The following KNG1 variants were observed in gnomAD, a reference collection of about 807,000 sequenced individuals.
KNG1 encodes the protein kininogen-1.
Under a neutral mutation model 47.8 loss-of-function variants are expected in KNG1, and 23 were observed. The ratio of observed to expected loss-of-function variants is 0.48; its 90% CI spans 0.35 to 0.68. The LOEUF is 0.68. KNG1 is among the 30% of genes least tolerant of loss of function. The pLI is 0.01. For missense variants in KNG1, 762 were observed against 790.2 expected, an observed-to-expected ratio of 0.96 and a Z score of 0.43; for synonymous variants, 277 against 277.0, an observed-to-expected ratio of 1.00 and a Z score of 0.00.
rs5030046 is a variant in KNG1 at position 186,732,400 on chromosome 3, T to G, written c.758-102T>G. The G allele has an allele frequency of 8.1e-4, 879 of 1,087,110 alleles. 7 individuals are homozygous for G. The African/African-American group carries it at 0.013, about 16-fold the overall frequency. The allele number at this position is 1,087,110 out of a possible 1,614,324, so 67.3% of individuals were successfully genotyped here. A position where few individuals can be genotyped will look rare whatever the true frequency, so the allele number is the denominator to read the frequency against. ...ACTCACTACTGGGCCTGGGCTCCCA[T>G]GTAGCCCCTTATACATGTGGATGCT... On this transcript the variant is annotated intron_variant, in intron 6 of 9. Transcript: ENST00000644859.
At position 186,744,165 on chromosome 3, in the gene KNG1, T is replaced by G. The variant is rs928024215; in HGVS notation, c.*1834T>G. Reference sequence around the variant, plus strand: ...GCTTCTACCAGTAATCTAAGGACTCTCTCCTTCTCTTCTTCCTCTTTCTCC... The same window carrying G: ...GCTTCTACCAGTAATCTAAGGACTCGCTCCTTCTCTTCTTCCTCTTTCTCC... On this transcript the variant is annotated 3_prime_UTR_variant, in exon 10 of 10. Coordinates refer to ENST00000644859, the MANE Select transcript of KNG1 (RefSeq NM_001102416.3). The G allele has an allele frequency of 4.1e-6, 1 of 243,460 alleles. No homozygotes were observed. The highest frequency in any genetic ancestry group is 8.2e-6 in the Non-Finnish European group (1 of 122,696). 15.1% of individuals were successfully genotyped at this position (243,460 alleles called of 1,614,324 possible). A position where few individuals can be genotyped will look rare whatever the true frequency, so the allele number is the denominator to read the frequency against.
chr3:186,726,193 C>A (rs1052131998), intron 4 of KNG1, among the ~76,000 whole-genome samples: 1 of 151,962 alleles, frequency 6.6e-6, no homozygotes, highest in Non-Finnish European at 1.5e-5. Context: ...CTCGGCCTCG[C>A]AAAGTGCTGG....
intron 5 of KNG1, among the ~76,000 whole-genome samples, chr3:186,727,911 T>A (rs9866324): frequency 3.9e-4 from 60 of 152,318 alleles, no homozygotes; most frequent in African/African-American, 1.4e-3. Context: ...GGACTACGAA[T>A]AGATAAAATG....
In KNG1 at chr3:186,739,314, G is replaced by C; in HGVS notation, c.1039-14G>C. 1.2e-6 allele frequency: 2 copies of C among 1,611,134 alleles called. No homozygotes were observed. The highest frequency in any genetic ancestry group is 1.7e-6 in the Non-Finnish European group (2 of 1,177,298). On this transcript the variant is annotated splice_polypyrimidine_tract_variant and intron_variant, in intron 8 of 9. Transcript: ENST00000644859. ...TAACACTGTCTCTCTTTCGACTTCT[G>C]TTTTCATGGATAGCAAAGCCTAGAT...
intron 1 of KNG1, among the ~76,000 whole-genome samples, chr3:186,719,658 G>A (rs1241715911): frequency 6.6e-6 from 1 of 151,630 alleles, no homozygotes; most frequent in Admixed American, 6.6e-5. Context: ...GAACCCGGGA[G>A]GCAGAGCTTG....
Position 186,743,687 on chromosome 3 carries a change from GT to G in KNG1, c.*1360del. ...TGAATGATAACATCATATTAACTGC[GT>G]TTTACTATACTTACAGAGTCACCTA... On this transcript the variant is annotated 3_prime_UTR_variant, in exon 10 of 10. Coordinates refer to ENST00000644859, the MANE Select transcript of KNG1 (RefSeq NM_001102416.3). 1.3e-6 allele frequency: 2 copies of G among 1,595,012 alleles called. No homozygotes were observed. The highest frequency in any genetic ancestry group is 1.7e-6 in the Non-Finnish European group (2 of 1,162,734).
chr3:186,722,513 T>G lies in KNG1; in HGVS notation c.383T>G (p.Ile128Ser), dbSNP rs770609186. The change falls in exon 3 of 10, where the codon ATT becomes AGT. Residue 128 changes from isoleucine (I) to serine (S), a missense_variant. Ile to Ser is a moderately radical substitution (Grantham distance 142). Transcript: ENST00000644859. Reference sequence around the variant, plus strand: ...TCCGTGGCTACCCAGACCTGCCAGATTACTCCAGGTGGCTGGTTTATCCTC... The same window carrying G: ...TCCGTGGCTACCCAGACCTGCCAGAGTACTCCAGGTGGCTGGTTTATCCTC... ...KFSVATQTCQ[I>S]TPAEGPVVTA... 14 of 1,612,512 alleles carry G rather than the reference T, an allele frequency of 8.7e-6. No homozygotes were observed. The highest frequency in any genetic ancestry group is 1.2e-5 in the Non-Finnish European group (14 of 1,178,748).
chr3:186,724,939 G>A (rs1342872329), intron 3 of KNG1, 149 bp from the exon 4 acceptor site: 2 of 695,376 alleles, frequency 2.9e-6, no homozygotes, highest in East Asian at 5.5e-5. Context: ...TCGAACTCCT[G>A]ACCTCAGGCG....
At chr3:186,718,754 T>G (rs2108616990) in intron 1 of KNG1, among the ~76,000 whole-genome samples, 1 of 151,088 alleles carries the variant, frequency 6.6e-6, no homozygotes, top group South Asian at 2.1e-4. Context: ...CTAAGAGGAG[T>G]GAGGAATGAG....
intron 7 of KNG1, among the ~76,000 whole-genome samples, chr3:186,737,999 A>G (rs5030073): frequency 0.44 from 66,486 of 151,830 alleles, 14,675 homozygotes; most frequent in Middle Eastern, 0.52. Flanking sequence ...TTTTTGAGAC[A>G]GAGTCTCACT....
intron 1 of KNG1, among the ~76,000 whole-genome samples, chr3:186,719,127 T>G (rs777889159): frequency 3.3e-5 from 5 of 152,226 alleles, no homozygotes; most frequent in Non-Finnish European, 5.9e-5. Context: ...TGAGAAATTC[T>G]GCTTCATGGT....
rs1362333270 is a variant in KNG1 at position 186,725,193 on chromosome 3, A to G, written c.497A>G (p.Tyr166Cys). 4 of 1,614,188 alleles carry G rather than the reference A, an allele frequency of 2.5e-6. No homozygotes were observed. Among genetic ancestry groups the G allele is most frequent in the South Asian group, 2.2e-5 (2 of 91,084 alleles). ...LEPILRHGIQYFNNNTQHSSL... is the reference protein window; with the variant it reads ...LEPILRHGIQCFNNNTQHSSL... ...CCCATTCTGAGACACGGCATTCAGTACTTTAACAACAACACTCAACATTCC... is the reference window on the plus strand; with the variant it reads ...CCCATTCTGAGACACGGCATTCAGTGCTTTAACAACAACACTCAACATTCC... The change falls in exon 4 of 10, where the codon TAC becomes TGC. Residue 166 changes from tyrosine to cysteine, a missense_variant. Transcript: ENST00000644859.
chr3:186,725,572 T>G, intron 4 of KNG1, among the ~76,000 whole-genome samples: 2 of 140,082 alleles, frequency 1.4e-5, no homozygotes, highest in African/African-American at 2.8e-5. Flanking sequence ...TGAGACAGAG[T>G]CTCTCTCTGT....
chr3:186,723,950 G>T (rs1482051994), intron 3 of KNG1, among the ~76,000 whole-genome samples: 3 of 152,058 alleles, frequency 2.0e-5, no homozygotes, highest in African/African-American at 7.2e-5. Context: ...CACTGTGCCT[G>T]GTCCCCCACA....
intron 5 of KNG1, chr3:186,728,969 T>C (rs751084364): frequency 6.6e-6 from 1 of 152,218 alleles, no homozygotes; most frequent in Non-Finnish European, 1.5e-5. Flanking sequence ...TCTGATTCTT[T>C]ATATTTTTTG....
chr3:186,732,783 T>C (rs1156497023), intron 7 of KNG1, 109 bp downstream of exon 7: 1 of 863,786 alleles, frequency 1.2e-6, no homozygotes, highest in Non-Finnish European at 2.0e-6. Context: ...CATTTGATAA[T>C]GTGATTTGGT....
At chr3:186,722,177 C>A in intron 2 of KNG1, 1 of 387,538 alleles carries the variant, frequency 2.6e-6, no homozygotes. Context: ...CCCTCCAGGG[C>A]TCAAAACAAA....
At chr3:186,727,137 T>G in intron 4 of KNG1, 100 bp from the exon 5 acceptor site, 2 of 845,276 alleles carry the variant, frequency 2.4e-6, no homozygotes, top group Admixed American at 1.9e-5. Flanking sequence ...GGGCACTTAT[T>G]ATATTGCCAC....
Position 186,742,283 on chromosome 3 carries a change from A to T in KNG1, c.1887A>T (p.Thr629=). The T allele has an allele frequency of 6.2e-7, 1 of 1,614,176 alleles. No homozygotes were observed. Among genetic ancestry groups the T allele is most frequent in the Middle Eastern group, 1.6e-4 (1 of 6,062 alleles). Residue 629 remains threonine (T), a synonymous_variant, in exon 10 of 10, where the codon ACA becomes ACT. Transcript: ENST00000644859. ...WKSVSEINPT[T]QMKESYYFDL... ...CAGTTAGTGAAATTAATCCAACCAC[A>T]CAAATGAAAGAATCTTATTATTTCG...
Sources: allele counts gnomAD v4.1 joint callset (sites outside exome capture counted in the v4.1 genomes callset), GRCh38; gene constraint gnomAD v4.1.1; transcripts MANE v1.5; gene names NCBI Gene and HGNC (gene_info 2026-07-23, HGNC 2026-07-21).